ERI1: variants seen among roughly 807,000 people sequenced by gnomAD.
The protein encoded by ERI1 is exoribonuclease 1.
A neutral mutation model predicts 39.7 loss-of-function variants in ERI1; 39 were observed. That is an observed-to-expected ratio of 0.98 (90% CI 0.76 to 1.28). ERI1 has a LOEUF of 1.28. Ranked by LOEUF, ERI1 falls within the 50% of genes most tolerant of loss-of-function variation. ERI1 has a pLI of 0.00. For missense variants in ERI1, 581 were observed against 416.9 expected (o/e 1.39, Z -3.43); for synonymous variants, 204 against 149.6 (o/e 1.36, Z -2.65).
intron 3 of ERI1, among the ~76,000 whole-genome samples, chr8:9,043,760 T>C (rs911437027): frequency 6.6e-6 from 1 of 152,242 alleles, no homozygotes; most frequent in Non-Finnish European, 1.5e-5. Flanking sequence ...ACTATCTTGC[T>C]CAGGCAGAAC....
At chr8:9,028,233 G>C (rs1797324317) in intron 6 of ERI1, among the ~76,000 whole-genome samples, 1 of 152,206 alleles carries the variant, frequency 6.6e-6, no homozygotes, top group African/African-American at 2.4e-5. Flanking sequence ...TTCAGTTACT[G>C]ATTCAGTCTC....
Position 9,009,057 on chromosome 8 carries a change from T to C in ERI1, c.287+909T>C, listed in dbSNP as rs777642352. The C allele has an allele frequency of 6.6e-6, 3 of 456,184 alleles. No homozygotes were observed. The Admixed American group carries it at 7.0e-5, about 11-fold the overall frequency. The allele number at this position is 456,184 out of a possible 1,614,324, so 28.3% of individuals were successfully genotyped here. On this transcript the variant is annotated intron_variant, in intron 2 of 6. Coordinates refer to ENST00000250263, the MANE Select transcript of ERI1 (RefSeq NM_153332.4). The stretch of plus-strand genomic sequence containing the variant: ...GTACAACTTGTAGCCTACAGAAGAT[T>C]TTCCGAGCAAAATTTTTGTCCTTCC...
downstream of ERI1, among the ~76,000 whole-genome samples, chr8:9,037,743 C>T (rs13276537): frequency 0.14 from 20,700 of 152,084 alleles, 1,545 homozygotes; most frequent in African/African-American, 0.16. Flanking sequence ...TTTCCTTTTA[C>T]TGTGCACCAT....
intron 6 of ERI1, among the ~76,000 whole-genome samples, chr8:9,024,049 C>T (rs2117269037): frequency 6.6e-6 from 1 of 152,208 alleles, no homozygotes; most frequent in Middle Eastern, 3.4e-3. Flanking sequence ...ATCCGCACAC[C>T]TTGGCCGTCC....
intron 3 of ERI1, among the ~76,000 whole-genome samples, chr8:9,056,766 T>C (rs1237590516): frequency 2.6e-5 from 4 of 152,236 alleles, no homozygotes; most frequent in Non-Finnish European, 5.9e-5. Context: ...ACTTTTGATG[T>C]AATCAAACAC....
intron 3 of ERI1, among the ~76,000 whole-genome samples, chr8:9,054,770 C>G (rs956606120): frequency 6.6e-6 from 1 of 152,130 alleles, no homozygotes; most frequent in Non-Finnish European, 1.5e-5. Context: ...ACTAAAAATA[C>G]AAAAATTAGC....
rs754173851 is a variant in ERI1 at position 9,030,661 on chromosome 8, C to T, written c.*627C>T. On this transcript the variant is annotated 3_prime_UTR_variant, in exon 7 of 7. Transcript: ENST00000250263. ...CAGTTACTGAAGGAATTAATGAAAA[C>T]GTAGAAGAAAGTACTAAAAGGAATA... 10 of 152,298 alleles carry T rather than the reference C, an allele frequency of 6.6e-5. No individual in the cohort carries two copies. The highest frequency in any genetic ancestry group is 5.8e-4 in the East Asian group (3 of 5,202). The allele number at this position is 152,298 out of a possible 1,614,324, so 9.4% of individuals were successfully genotyped here. A position where few individuals can be genotyped will look rare whatever the true frequency, so the allele number is the denominator to read the frequency against.
At chr8:9,018,969 G>A (rs1817602456) in intron 5 of ERI1, among the ~76,000 whole-genome samples, 1 of 151,952 alleles carries the variant, frequency 6.6e-6, no homozygotes, top group African/African-American at 2.4e-5. Flanking sequence ...TACCATTCAT[G>A]TTGACATCTG....
intron 4 of ERI1, among the ~76,000 whole-genome samples, chr8:9,017,626 T>C (rs2117234660): frequency 6.6e-6 from 1 of 152,240 alleles, no homozygotes; most frequent in South Asian, 2.1e-4. Flanking sequence ...ATCCTCAAGT[T>C]GATGAACTTG....
intron 6 of ERI1, among the ~76,000 whole-genome samples, chr8:9,023,632 A>C (rs1003819702): frequency 1.3e-5 from 2 of 151,870 alleles, no homozygotes; most frequent in Admixed American, 1.3e-4. Context: ...ACTATAATGC[A>C]ATTAGTTGTA....
chr8:9,062,665 G>A (rs902656341), intron 3 of ERI1: 1 of 150,304 alleles, frequency 6.7e-6, no homozygotes, highest in African/African-American at 2.4e-5. Flanking sequence ...TGATGGTCCT[G>A]TAGGCTTCCG....
At chr8:9,074,443 T>C (rs1207651157) in intron 3 of ERI1, among the ~76,000 whole-genome samples, 4 of 152,070 alleles carry the variant, frequency 2.6e-5, no homozygotes, top group African/African-American at 7.2e-5. Context: ...TAAATTTAAA[T>C]TTAAGTTTTT....
downstream of ERI1, among the ~76,000 whole-genome samples, chr8:9,038,306 T>C (rs1001321837): frequency 3.9e-5 from 6 of 152,238 alleles, no homozygotes; most frequent in African/African-American, 1.4e-4. Context: ...TAGTTTCAGT[T>C]ACCCAAGGTG....
intron 3 of ERI1, chr8:9,072,444 G>GT: frequency 6.6e-6 from 1 of 152,084 alleles, no homozygotes; most frequent in South Asian, 2.1e-4. Context: ...TTTTCTTTCT[G>GT]TTTTTTACTG....
At chr8:9,053,249 T>A (rs934851274) in intron 3 of ERI1, among the ~76,000 whole-genome samples, 17 of 152,212 alleles carry the variant, frequency 1.1e-4, no homozygotes, top group African/African-American at 4.1e-4. Flanking sequence ...ACTCCTGACC[T>A]CAAGTGGTCC....
chr8:9,020,844 C>G (rs1323867199), intron 6 of ERI1, among the ~76,000 whole-genome samples: 2 of 152,204 alleles, frequency 1.3e-5, no homozygotes, highest in South Asian at 4.1e-4. Flanking sequence ...TGGCAGTCTT[C>G]TGCCATAGCC....
chr8:9,029,989 A>T lies in ERI1; in HGVS notation c.1005A>T (p.Pro335=). The change falls in exon 7 of 7, where the codon CCA becomes CCT. Residue 335 remains proline (P), a synonymous_variant. Coordinates refer to ENST00000250263, the MANE Select transcript of ERI1 (RefSeq NM_153332.4). The stretch of plus-strand genomic sequence containing the variant: ...TAATGAGTGTGTCCTCTTCCTTACC[A>T]ATAGAGGGCACTCCACCACCACAAA... ...GQLMSVSSSL[P]IEGTPPPQMP... is the part of the protein sequence containing the mutation. 1.2e-6 allele frequency: 2 copies of T among 1,613,558 alleles called. No individual in the cohort carries two copies. Among genetic ancestry groups the T allele is most frequent in the Non-Finnish European group, 8.5e-7 (1 of 1,179,870 alleles).
In ERI1 at chr8:9,018,343, T is replaced by A. The variant is rs1214423011; in HGVS notation, c.629T>A (p.Val210Glu). Reference sequence around the variant, plus strand: ...ACCTTCCCTCAGGTACTAAAAAAAGTAATTGACTGGATGAAATTGAAGGAA... The same window carrying A: ...ACCTTCCCTCAGGTACTAAAAAAAGAAATTGACTGGATGAAATTGAAGGAA... ...ADTFPQVLKKVIDWMKLKELG... is the reference protein window; with the variant it reads ...ADTFPQVLKKEIDWMKLKELG... The change falls in exon 5 of 7, where the codon GTA becomes GAA. Residue 210 changes from valine to glutamate, a missense_variant. Transcript: ENST00000250263. 6.2e-7 allele frequency: 1 copy of A among 1,612,828 alleles called. No homozygotes were observed. Among genetic ancestry groups the A allele is most frequent in the South Asian group, 1.1e-5 (1 of 91,014 alleles).
intron 3 of ERI1, among the ~76,000 whole-genome samples, chr8:9,065,844 C>G (rs1469728493): frequency 6.6e-6 from 1 of 152,090 alleles, no homozygotes; most frequent in African/African-American, 2.4e-5. Flanking sequence ...CCTTTTTCCT[C>G]TCCTGTTGCA....
Sources: allele counts gnomAD v4.1 joint callset (sites outside exome capture counted in the v4.1 genomes callset), GRCh38; gene constraint gnomAD v4.1.1; transcripts MANE v1.5; gene names NCBI Gene and HGNC (gene_info 2026-07-23, HGNC 2026-07-21).